The following ZNF560 variants were observed in gnomAD, a reference collection of about 807,000 sequenced individuals.
ZNF560 encodes zinc finger protein 560.
A neutral mutation model predicts 81.8 loss-of-function variants in ZNF560; 54 were observed. That is an observed-to-expected ratio of 0.66 (90% confidence interval 0.53 to 0.83). The LOEUF is 0.83. ZNF560 is among the 40% of genes least tolerant of loss of function. The pLI is 0.00. For missense variants in ZNF560, 940 were observed against 932.4 expected, an observed-to-expected ratio of 1.01 and a Z score of -0.11; for synonymous variants, 321 against 317.9, an observed-to-expected ratio of 1.01 and a Z score of -0.10.
At chr19:9,458,438 C>A in the ZNF560 span, among the ~76,000 whole-genome samples, 2 of 152,210 alleles carry the variant, frequency 1.3e-5, no homozygotes, top group Non-Finnish European at 2.9e-5. Flanking sequence ...GCTCAAAAAG[C>A]GGAGCTTGAG....
the ZNF560 span, among the ~76,000 whole-genome samples, chr19:9,457,225 T>C: frequency 2.1e-3 from 325 of 152,342 alleles, no homozygotes; most frequent in Non-Finnish European, 3.4e-3. Flanking sequence ...TTAAGGGCTA[T>C]TAATTCAGCT....
downstream of ZNF560, among the ~76,000 whole-genome samples, chr19:9,463,697 T>A (rs1362245336): frequency 7.9e-5 from 12 of 152,174 alleles, no homozygotes; most frequent in Non-Finnish European, 1.8e-4. Context: ...TGGTTTTGTT[T>A]TGTTTTTGAG....
the ZNF560 span, among the ~76,000 whole-genome samples, chr19:9,454,844 CAAA>C: frequency 1.3e-5 from 2 of 151,814 alleles, no homozygotes; most frequent in African/African-American, 4.8e-5. Context: ...AGGAAGGAGA[CAAA>C]GAAGAGAGGG....
chr19:9,473,041 T>C, intron 5 of ZNF560, 138 bp downstream of exon 5: 1 of 722,660 alleles, frequency 1.4e-6, no homozygotes, highest in Non-Finnish European at 2.4e-6. Context: ...TGCAGAATCG[T>C]GAGCCAAAAT....
the ZNF560 span, among the ~76,000 whole-genome samples, chr19:9,457,527 A>G: frequency 6.6e-6 from 1 of 152,248 alleles, no homozygotes; most frequent in South Asian, 2.1e-4. Context: ...GTGTTACATT[A>G]TTCATCATAT....
At chr19:9,490,346 C>T (rs1387786041) in intron 2 of ZNF560, among the ~76,000 whole-genome samples, 1 of 152,198 alleles carries the variant, frequency 6.6e-6, no homozygotes, top group African/African-American at 2.4e-5. Context: ...GTGCCAAAAA[C>T]CAAGTGGGTA....
At chr19:9,449,567 G>A in the ZNF560 span, among the ~76,000 whole-genome samples, 2 of 152,006 alleles carry the variant, frequency 1.3e-5, no homozygotes, top group Non-Finnish European at 2.9e-5. Flanking sequence ...AGCACCATAT[G>A]AAGTGAAAAA....
At chr19:9,445,974 C>A in the ZNF560 span, among the ~76,000 whole-genome samples, 1 of 152,056 alleles carries the variant, frequency 6.6e-6, no homozygotes, top group African/African-American at 2.4e-5. Context: ...GAGGCTGGAA[C>A]CAAGTAAATG....
intron 2 of ZNF560, among the ~76,000 whole-genome samples, chr19:9,493,034 G>GA (rs1471639160): frequency 6.6e-6 from 1 of 152,208 alleles, no homozygotes; most frequent in Non-Finnish European, 1.5e-5. Flanking sequence ...TCTATTAACT[G>GA]AAGGGATTAA....
intron 2 of ZNF560, among the ~76,000 whole-genome samples, chr19:9,494,267 G>A (rs548010678): frequency 1.3e-5 from 2 of 152,210 alleles, no homozygotes; most frequent in South Asian, 2.1e-4. Flanking sequence ...GAATCAAAGT[G>A]TGTATAGATG....
chr19:9,486,349 A>T (rs2073384547), intron 2 of ZNF560, among the ~76,000 whole-genome samples: 1 of 152,234 alleles, frequency 6.6e-6, no homozygotes, highest in South Asian at 2.1e-4. Context: ...CCAACAAGAC[A>T]GGCAGCCTTC....
chr19:9,489,160 G>C (rs1304383732), intron 2 of ZNF560, among the ~76,000 whole-genome samples: 1 of 152,270 alleles, frequency 6.6e-6, no homozygotes. Context: ...GGAGAGGGCA[G>C]AAAGATCACA....
chr19:9,475,760 C>A (rs1040526262), intron 2 of ZNF560, among the ~76,000 whole-genome samples: 8 of 152,152 alleles, frequency 5.3e-5, no homozygotes, highest in African/African-American at 1.9e-4. Context: ...GCACCTGCCA[C>A]CACGCCCGGC....
In ZNF560 at chr19:9,474,227, C is replaced by T. The variant is rs191088407; in HGVS notation, c.129G>A (p.Leu43=). 1 of 1,614,140 alleles carries T rather than the reference C, an allele frequency of 6.2e-7. No homozygotes were observed. The highest frequency in any genetic ancestry group is 1.3e-5 in the African/African-American group (1 of 75,032). ...VQRNLYRDVM[L]ENYENVAKVG... ...CTTTGGCCACGTTCTCATAATTCTC[C>T]AGCATCACATCTCTGTATAAGTTTC... Residue 43 remains leucine (L), a synonymous_variant, in exon 4 of 10, where the codon CTG becomes CTA. Transcript: ENST00000301480.
chr19:9,492,810 G>A (rs1468003697), intron 2 of ZNF560, among the ~76,000 whole-genome samples: 1 of 152,156 alleles, frequency 6.6e-6, no homozygotes, highest in Non-Finnish European at 1.5e-5. Flanking sequence ...GGTGAAGGCA[G>A]AATTAGCTCT....
intron 2 of ZNF560, among the ~76,000 whole-genome samples, chr19:9,484,052 G>C (rs1051975544): frequency 1.3e-5 from 2 of 152,082 alleles, no homozygotes; most frequent in Admixed American, 1.3e-4. Context: ...TGGATTAAGG[G>C]TGGTGCAAGA....
chr19:9,455,662 C>T, the ZNF560 span, among the ~76,000 whole-genome samples: 1 of 152,146 alleles, frequency 6.6e-6, no homozygotes. Flanking sequence ...AAGGTGATTG[C>T]AGATTCAACT....
the ZNF560 span, among the ~76,000 whole-genome samples, chr19:9,459,290 A>G: frequency 6.6e-6 from 1 of 152,262 alleles, no homozygotes; most frequent in Non-Finnish European, 1.5e-5. Flanking sequence ...GCCGATTGTT[A>G]TCAGCAGCTG....
rs143551010 is a variant in ZNF560, at chr19:9,477,953, C to CAAGA, written c.-56-2588_-56-2585dup. 2.4e-4 allele frequency among the ~76,000 whole-genome samples: 37 copies of CAAGA among 152,072 alleles called. 1 individual carries two copies. The East Asian group carries it at 6.8e-3, about 28-fold the overall frequency. On this transcript the variant is annotated intron_variant, in intron 2 of 9. Coordinates refer to ENST00000301480, the MANE Select transcript of ZNF560 (RefSeq NM_152476.3). ...TTTGAGTTACAGGAGTACAAGAAGA[C>CAAGA]AAGAAAGAAAGAGAACACATACTTA... is the stretch of plus-strand genomic sequence containing the variant.
Sources: allele counts gnomAD v4.1 joint callset (sites outside exome capture counted in the v4.1 genomes callset), GRCh38; gene constraint gnomAD v4.1.1; transcripts MANE v1.5; gene names NCBI Gene and HGNC (gene_info 2026-07-23, HGNC 2026-07-21).